Variants in SH3PXD2B observed in about 807,000 individuals in gnomAD.
SH3PXD2B encodes SH3 and PX domain-containing protein 2B.
A neutral mutation model predicts 73.1 loss-of-function variants in SH3PXD2B; 37 were observed. The observed-to-expected ratio is 0.51, with a 90% confidence interval of 0.39 to 0.67. The LOEUF (loss-of-function observed/expected upper bound fraction) is 0.67, where lower values mean the gene tolerates loss of function less well. Among genes scored for constraint, SH3PXD2B ranks in the 30% least tolerant of loss-of-function variants. The probability of loss-of-function intolerance (pLI) is 0.00; values close to 1 mark genes in which losing one functional copy is unlikely to be tolerated. For missense variants in SH3PXD2B, 1,053 were observed against 1,197.8 expected, an observed-to-expected ratio of 0.88 and a Z score of 1.78; for synonymous variants, 457 against 480.5, an observed-to-expected ratio of 0.95 and a Z score of 0.64.
intron 3 of SH3PXD2B, among the ~76,000 whole-genome samples, chr5:172,399,556 C>T (rs1273933757): frequency 1.3e-5 from 2 of 152,172 alleles, no homozygotes; most frequent in Non-Finnish European, 2.9e-5. Context: ...TGTGCCAACT[C>T]CTTAGAAGCC....
intron 12 of SH3PXD2B, among the ~76,000 whole-genome samples, chr5:172,327,404 A>G (rs1297610368): frequency 1.3e-5 from 2 of 152,194 alleles, no homozygotes; most frequent in African/African-American, 4.8e-5. Context: ...TTCCTTTGTC[A>G]GTGGTCTACA....
rs200330611 is a variant in SH3PXD2B at position 172,423,052 on chromosome 5, TGAGG to T, written c.76-560_76-557del. On this transcript the variant is annotated intron_variant, in intron 1 of 12. Coordinates refer to ENST00000311601, the MANE Select transcript of SH3PXD2B (RefSeq NM_001017995.3). ...CCTCCTCTGCCTCCCAGGATAGATGTGAGGTGCTGATGAAATTAAGGATGAAGGA... is the reference window on the plus strand; with the variant it reads ...CCTCCTCTGCCTCCCAGGATAGATGTTGCTGATGAAATTAAGGATGAAGGA... 9.5e-3 allele frequency among the ~76,000 whole-genome samples: 1,454 copies of T among 152,278 alleles called. 26 individuals are homozygous for T. Among genetic ancestry groups the T allele is most frequent in the African/African-American group, 0.033 (1,377 of 41,550 alleles).
downstream of SH3PXD2B, among the ~76,000 whole-genome samples, chr5:172,330,909 T>A (rs1370746458): frequency 6.6e-6 from 1 of 152,128 alleles, no homozygotes; most frequent in Non-Finnish European, 1.5e-5. Flanking sequence ...AAAAGTTAGA[T>A]CCTGGCTGGG....
In SH3PXD2B at chr5:172,335,778, C is replaced by T. The variant is rs1756676210; in HGVS notation, c.*2591G>A. The stretch of plus-strand genomic sequence containing the variant: ...AGGAGAGTGACTGGCCACCCTGACC[C>T]ACCCACTGCCTGGGGAAGTGTCTAC... On this transcript the variant is annotated 3_prime_UTR_variant, in exon 13 of 13. Transcript: ENST00000311601. 2.0e-5 allele frequency: 25 copies of T among 1,230,352 alleles called. No individual in the cohort carries two copies. Among genetic ancestry groups the T allele is most frequent in the Non-Finnish European group, 2.3e-5 (23 of 987,598 alleles). The allele number at this position is 1,230,352 out of a possible 1,614,324, so 76.2% of individuals were successfully genotyped here.
chr5:172,375,469 C>T (rs1757803348), intron 5 of SH3PXD2B, among the ~76,000 whole-genome samples: 1 of 152,176 alleles, frequency 6.6e-6, no homozygotes, highest in Admixed American at 6.5e-5. Flanking sequence ...ACTTTCATCA[C>T]TCCAAAAAGA....
intron 10 of SH3PXD2B, among the ~76,000 whole-genome samples, chr5:172,349,618 C>A (rs1757113740): frequency 6.6e-6 from 1 of 152,204 alleles, no homozygotes; most frequent in African/African-American, 2.4e-5. Context: ...AGGTTCAAGT[C>A]CCCGCCCCTG....
intron 10 of SH3PXD2B, among the ~76,000 whole-genome samples, chr5:172,348,091 C>T (rs1404750260): frequency 6.6e-6 from 1 of 152,136 alleles, no homozygotes; most frequent in Non-Finnish European, 1.5e-5. Flanking sequence ...CCTTAAATTC[C>T]CATTTACCTG....
At chr5:172,427,355 C>T in intron 1 of SH3PXD2B, among the ~76,000 whole-genome samples, 1 of 152,082 alleles carries the variant, frequency 6.6e-6, no homozygotes, top group South Asian at 2.1e-4. Context: ...GGTTATTTTT[C>T]ATTCTTCTGA....
rs147827227 is a variant in SH3PXD2B at position 172,446,727 on chromosome 5, C to T, written c.75+7551G>A. ...CACACCTCTAACCTGGATGACGTTT[C>T]TGGTGCCCTGTGACCTTAGGGTACA... On this transcript the variant is annotated intron_variant, in intron 1 of 12. Transcript: ENST00000311601. Among the ~76,000 whole-genome samples the T allele has an allele frequency of 7.5e-3, 1,148 of 152,322 alleles. 12 individuals are homozygous for T. The highest frequency in any genetic ancestry group is 0.025 in the African/African-American group (1,051 of 41,558).
At chr5:172,393,821 T>C (rs1727689432) in intron 4 of SH3PXD2B, among the ~76,000 whole-genome samples, 2 of 152,248 alleles carry the variant, frequency 1.3e-5, no homozygotes, top group Non-Finnish European at 2.9e-5. Context: ...GGCAGGTCTC[T>C]TGTTGTTTAG....
intron 8 of SH3PXD2B, among the ~76,000 whole-genome samples, chr5:172,355,731 A>G (rs1033991361): frequency 1.3e-5 from 2 of 151,806 alleles, no homozygotes; most frequent in Non-Finnish European, 2.9e-5. Flanking sequence ...TTTTTAGTAG[A>G]GACGGGGTTT....
chr5:172,382,178 TG>T, intron 4 of SH3PXD2B, 51 bp from the exon 5 acceptor site: 1 of 1,441,390 alleles, frequency 6.9e-7, no homozygotes. Context: ...GGGCTGAGCA[TG>T]GTGGCACGCG....
rs1756700713 is a variant in SH3PXD2B at position 172,336,662 on chromosome 5, C to G, written c.*1707G>C. On this transcript the variant is annotated 3_prime_UTR_variant, in exon 13 of 13. Coordinates refer to ENST00000311601, the MANE Select transcript of SH3PXD2B (RefSeq NM_001017995.3). ...CCAAAAGTATCTCGCCTGATGAACA[C>G]TGTGAACTGGAGATCTCTGGGGCAG... The G allele has an allele frequency of 1.0e-6, 1 of 960,038 alleles. No homozygotes were observed. The highest frequency in any genetic ancestry group is 1.2e-6 in the Non-Finnish European group (1 of 823,156). The allele number at this position is 960,038 out of a possible 1,614,324, so 59.5% of individuals were successfully genotyped here.
At chr5:172,387,403 T>C (rs1758084090) in intron 4 of SH3PXD2B, among the ~76,000 whole-genome samples, 1 of 152,242 alleles carries the variant, frequency 6.6e-6, no homozygotes, top group African/African-American at 2.4e-5. Flanking sequence ...TTAACTGTTG[T>C]TAGAATTTTT....
Position 172,454,337 on chromosome 5 carries a change from T to A in SH3PXD2B, c.16A>T (p.Ser6Cys). 3 of 1,533,512 alleles carry A rather than the reference T, an allele frequency of 2.0e-6. No individual in the cohort carries two copies. The highest frequency in any genetic ancestry group is 1.7e-4 in the Middle Eastern group (1 of 5,776). The allele number at this position is 1,533,512 out of a possible 1,614,324, so 95.0% of individuals were successfully genotyped here. The change falls in exon 1 of 13, where the codon AGC becomes TGC. Residue 6 changes from serine (S) to cysteine (C), a missense_variant. Ser to Cys is a moderately radical substitution (Grantham distance 112). This residue lies in a region of SH3PXD2B where 466 missense variants were observed against 607.1 expected (regional missense o/e 0.77). Transcript: ENST00000311601. Reference protein sequence around the residue: MPPRRSIVEVKVLDVQ... With the variant: MPPRRCIVEVKVLDVQ... ...TCTAGCACCTTCACCTCCACGATGC[T>A]GCGCCGCGGCGGCATGGCCGCTCCT...
chr5:172,451,853 A>C (rs1393361543), intron 1 of SH3PXD2B, among the ~76,000 whole-genome samples: 1 of 152,198 alleles, frequency 6.6e-6, no homozygotes, highest in Non-Finnish European at 1.5e-5. Flanking sequence ...CCTGCCATCA[A>C]GGCAGTAAAT....
chr5:172,419,833 C>G (rs1758917550), intron 2 of SH3PXD2B, among the ~76,000 whole-genome samples: 1 of 152,184 alleles, frequency 6.6e-6, no homozygotes, highest in Admixed American at 6.5e-5. Context: ...AGGTGTCAGG[C>G]AGGCAAGAGG....
chr5:172,336,094 C>T lies in SH3PXD2B; in HGVS notation c.*2275G>A. Reference sequence around the variant, plus strand: ...CAGACAGGACTCAAAGCTCTTCCAGCCAGGGATGGAGCCACACACATCCCA... The same window carrying T: ...CAGACAGGACTCAAAGCTCTTCCAGTCAGGGATGGAGCCACACACATCCCA... On this transcript the variant is annotated 3_prime_UTR_variant, in exon 13 of 13. Transcript: ENST00000311601. The T allele has an allele frequency of 1.0e-6, 1 of 988,746 alleles. No homozygotes were observed. The highest frequency in any genetic ancestry group is 1.7e-5 in the African/African-American group (1 of 57,484). The allele number at this position is 988,746 out of a possible 1,614,324, so 61.2% of individuals were successfully genotyped here.
At chr5:172,409,357 G>A (rs1317043265) in intron 2 of SH3PXD2B, among the ~76,000 whole-genome samples, 3 of 152,038 alleles carry the variant, frequency 2.0e-5, no homozygotes, top group Non-Finnish European at 4.4e-5. Flanking sequence ...ACTACAGCCT[G>A]GACAACAAGA....
Sources: gnomAD v4.1 joint callset for allele counts (sites outside exome capture counted in the v4.1 genomes callset) on GRCh38, gnomAD v4.1.1 for gene constraint, gnomAD v4.1.1 regional missense constraint, MANE v1.5 for transcripts, NCBI Gene and HGNC (gene_info 2026-07-23, HGNC 2026-07-21) for gene names.